Variants in CDK14 observed in about 807,000 individuals in gnomAD.
CDK14 encodes cyclin dependent kinase 14, also known as cyclin-dependent kinase 14.
CDK14 carries 34 observed loss-of-function variants against 60.7 expected under a neutral mutation model. The ratio of observed to expected loss-of-function variants is 0.56; its 90% CI spans 0.43 to 0.75. CDK14 has a LOEUF of 0.75. CDK14 is among the 30% of genes least tolerant of loss of function. The probability of loss-of-function intolerance (pLI) is 0.00; values close to 1 mark genes in which losing one functional copy is unlikely to be tolerated. For missense variants in CDK14, 482 were observed against 564.1 expected, an observed-to-expected ratio of 0.85 and a Z score of 1.47; for synonymous variants, 197 against 203.7, an observed-to-expected ratio of 0.97 and a Z score of 0.28.
chr7:90,798,932 C>A (rs1352977324), intron 5 of CDK14, among the ~76,000 whole-genome samples: 2 of 152,218 alleles, frequency 1.3e-5, no homozygotes, highest in East Asian at 3.9e-4. Context: ...AGATAAAGGG[C>A]TGGGAGATAC....
intron 14 of CDK14, among the ~76,000 whole-genome samples, chr7:91,150,050 C>A (rs1408553304): frequency 6.6e-6 from 1 of 152,090 alleles, no homozygotes; most frequent in Non-Finnish European, 1.5e-5. Flanking sequence ...CTTCAGGGTT[C>A]CAAGTGTGAG....
rs1462978004 is a variant in CDK14 at position 90,790,550 on chromosome 7, C to T, written c.465-23C>T. ...TAATGGGCACATATTTTTATGAATT[C>T]ACTTATCTTTCATTTCTCACAGGGT... On this transcript the variant is annotated intron_variant, in intron 4 of 14. Transcript: ENST00000380050. The T allele has an allele frequency of 2.6e-6, 4 of 1,541,116 alleles. No individual in the cohort carries two copies. In the African/African-American group the frequency reaches 4.1e-5, roughly 16 times the overall value.
chr7:90,800,318 T>G (rs541079142), intron 5 of CDK14, among the ~76,000 whole-genome samples: 2 of 152,322 alleles, frequency 1.3e-5, no homozygotes, highest in Admixed American at 6.5e-5. Context: ...TATTTGGAAT[T>G]AGTTAACCTG....
At chr7:90,626,494 A>T (rs1799879274) in intron 2 of CDK14, among the ~76,000 whole-genome samples, 1 of 152,212 alleles carries the variant, frequency 6.6e-6, no homozygotes, top group Non-Finnish European at 1.5e-5. Context: ...ATTATCTGTG[A>T]TTATCTGTAA....
intron 5 of CDK14, among the ~76,000 whole-genome samples, chr7:90,850,861 G>C (rs1418379911): frequency 6.6e-6 from 1 of 152,128 alleles, no homozygotes; most frequent in Admixed American, 6.6e-5. Context: ...TTCCTCTTTA[G>C]CTCCCCCTTT....
At chr7:90,620,798 G>A (rs1255206975) in intron 2 of CDK14, among the ~76,000 whole-genome samples, 1 of 152,208 alleles carries the variant, frequency 6.6e-6, no homozygotes, top group East Asian at 1.9e-4. Context: ...GGAGACTCCT[G>A]GCTTTATGAT....
At chr7:91,081,445 A>G (rs994582436) in intron 12 of CDK14, among the ~76,000 whole-genome samples, 5 of 152,218 alleles carry the variant, frequency 3.3e-5, no homozygotes, top group Admixed American at 2.6e-4. Context: ...AATAAATTGA[A>G]CTAATTTGCA....
chr7:91,061,834 C>G (rs1391527128), intron 11 of CDK14, among the ~76,000 whole-genome samples: 1 of 152,180 alleles, frequency 6.6e-6, no homozygotes, highest in Non-Finnish European at 1.5e-5. Flanking sequence ...CCCAGTTAGG[C>G]TACTTGGGGG....
At chr7:91,148,379 A>C (rs1800721360) in intron 14 of CDK14, among the ~76,000 whole-genome samples, 1 of 152,184 alleles carries the variant, frequency 6.6e-6, no homozygotes, top group South Asian at 2.1e-4. Flanking sequence ...TCTCCAAAAA[A>C]AAGGAATTTG....
chr7:91,183,959 C>G (rs1802087211), intron 14 of CDK14, among the ~76,000 whole-genome samples: 1 of 152,116 alleles, frequency 6.6e-6, no homozygotes, highest in Admixed American at 6.5e-5. Flanking sequence ...CTTTGGGAGG[C>G]CAAGGCAGGA....
chr7:90,715,794 C>T (rs1018116592), intron 2 of CDK14, among the ~76,000 whole-genome samples: 1 of 151,586 alleles, frequency 6.6e-6, no homozygotes, highest in Non-Finnish European at 1.5e-5. Context: ...TCCATTTCCC[C>T]AGTGCAGCTA....
chr7:90,638,527 T>C (rs1563025275), intron 2 of CDK14, among the ~76,000 whole-genome samples: 2 of 152,236 alleles, frequency 1.3e-5, no homozygotes, highest in African/African-American at 4.8e-5. Context: ...CTTCCCTTTG[T>C]GGGTAACCTG....
At chr7:90,611,074 T>C (rs1799529576) in intron 2 of CDK14, among the ~76,000 whole-genome samples, 5 of 152,176 alleles carry the variant, frequency 3.3e-5, no homozygotes, top group Admixed American at 2.6e-4. Flanking sequence ...GGCCAGTTCC[T>C]CCTCCTGTCT....
intron 8 of CDK14, among the ~76,000 whole-genome samples, chr7:90,919,775 C>T (rs1035508110): frequency 6.6e-6 from 1 of 152,188 alleles, no homozygotes; most frequent in Non-Finnish European, 1.5e-5. Flanking sequence ...TATTCAGTCT[C>T]TTATTAATGA....
intron 2 of CDK14, among the ~76,000 whole-genome samples, chr7:90,722,857 C>T (rs1360646159): frequency 1.3e-5 from 2 of 152,150 alleles, no homozygotes; most frequent in African/African-American, 4.8e-5. Flanking sequence ...GTAACAGTTT[C>T]TCTTGCTTAA....
At chr7:90,873,135 G>A (rs1456264080) in intron 6 of CDK14, among the ~76,000 whole-genome samples, 1 of 152,082 alleles carries the variant, frequency 6.6e-6, no homozygotes, top group Non-Finnish European at 1.5e-5. Context: ...GGGGGTGGGT[G>A]GAGGCACGAG....
At chr7:91,110,985 GA>G (rs1288131599) in intron 12 of CDK14, among the ~76,000 whole-genome samples, 2 of 152,110 alleles carry the variant, frequency 1.3e-5, no homozygotes, top group Admixed American at 6.6e-5. Flanking sequence ...TCTTAAAGGG[GA>G]AAAAACTGTG....
At chr7:90,905,999 G>A (rs575109393) in intron 7 of CDK14, among the ~76,000 whole-genome samples, 48 of 152,202 alleles carry the variant, frequency 3.2e-4, no homozygotes, top group Non-Finnish European at 6.3e-4. Flanking sequence ...AGAGACAAGG[G>A]TCTCCTCCAG....
At chr7:91,132,675 G>C (rs1800153550) in intron 14 of CDK14, among the ~76,000 whole-genome samples, 1 of 152,038 alleles carries the variant, frequency 6.6e-6, no homozygotes, top group Non-Finnish European at 1.5e-5. Context: ...TCACATTTAT[G>C]CCTAATTTGA....
Sources: allele counts gnomAD v4.1 joint callset (sites outside exome capture counted in the v4.1 genomes callset), GRCh38; gene constraint gnomAD v4.1.1; transcripts MANE v1.5; gene names NCBI Gene and HGNC (gene_info 2026-07-23, HGNC 2026-07-21).